The following PPFIA2 variants were observed in gnomAD, a reference collection of about 807,000 sequenced individuals.
PPFIA2 encodes PPFI scaffold protein A2.
Under a neutral mutation model 175.5 loss-of-function variants are expected in PPFIA2, and 46 were observed. That is an observed-to-expected ratio of 0.26 (90% confidence interval 0.21 to 0.34). The LOEUF is 0.34. Ranked by LOEUF, PPFIA2 falls within the 10% of genes least tolerant of loss-of-function variation. The pLI is 1.00. For synonymous variants in PPFIA2, 568 were observed against 511.4 expected (o/e 1.11, Z -1.49); for missense variants, 1,179 against 1,506.1 (o/e 0.78, Z 3.60).
At chr12:81,562,846 CAAAAAA>C (rs11475809) in intron 4 of PPFIA2, among the ~76,000 whole-genome samples, 6 of 29,584 alleles carry the variant, frequency 2.0e-4, no homozygotes, top group South Asian at 2.0e-3. Flanking sequence ...GACTCTGTCT[CAAAAAA>C]AAAAAAAAAA....
chr12:81,390,203 G>A (rs902281182), intron 8 of PPFIA2, among the ~76,000 whole-genome samples: 3 of 151,968 alleles, frequency 2.0e-5, no homozygotes, highest in Non-Finnish European at 4.4e-5. Flanking sequence ...GGACATTAAC[G>A]TTGTGTCCAC....
chr12:81,263,879 A>G (rs1282727446), intron 30 of PPFIA2, among the ~76,000 whole-genome samples: 3 of 152,122 alleles, frequency 2.0e-5, no homozygotes, highest in Admixed American at 6.5e-5. Context: ...CTAATATGAG[A>G]CACTGTAGCC....
At chr12:81,434,016 T>A (rs59852411) in intron 7 of PPFIA2, among the ~76,000 whole-genome samples, 9,527 of 152,040 alleles carry the variant, frequency 0.063, 390 homozygotes, top group African/African-American at 0.12. Flanking sequence ...TGATTTGGGG[T>A]TATGGAGGTA....
intron 7 of PPFIA2, among the ~76,000 whole-genome samples, chr12:81,420,145 C>T (rs2045989938): frequency 6.6e-6 from 1 of 152,116 alleles, no homozygotes; most frequent in South Asian, 2.1e-4. Flanking sequence ...AGCTACCATA[C>T]CCACCCAGTT....
At chr12:81,657,877 AC>A (rs921834136) in intron 4 of PPFIA2, among the ~76,000 whole-genome samples, 1 of 151,796 alleles carries the variant, frequency 6.6e-6, no homozygotes, top group African/African-American at 2.4e-5. Flanking sequence ...AATAAAAATA[AC>A]CCCCCCAACC....
chr12:81,538,256 A>T (rs2065689375), intron 4 of PPFIA2, among the ~76,000 whole-genome samples: 1 of 151,934 alleles, frequency 6.6e-6, no homozygotes, highest in African/African-American at 2.4e-5. Flanking sequence ...GATAATAAAG[A>T]ACAAATGTTG....
At chr12:81,652,921 A>G (rs569595204) in intron 4 of PPFIA2, among the ~76,000 whole-genome samples, 4 of 152,168 alleles carry the variant, frequency 2.6e-5, no homozygotes, top group African/African-American at 9.6e-5. Flanking sequence ...TGTCATGAGC[A>G]TCTATCCAGT....
At chr12:81,492,989 T>C (rs982901951) in intron 4 of PPFIA2, among the ~76,000 whole-genome samples, 4 of 151,992 alleles carry the variant, frequency 2.6e-5, no homozygotes, top group Non-Finnish European at 5.9e-5. Flanking sequence ...GGTTGAACAA[T>C]TATATGTGGG....
At chr12:81,451,437 G>A (rs1208702920) in intron 5 of PPFIA2, among the ~76,000 whole-genome samples, 1 of 152,122 alleles carries the variant, frequency 6.6e-6, no homozygotes, top group East Asian at 1.9e-4. Context: ...CTGGGAAGGG[G>A]TAGTGGCAGA....
intron 3 of PPFIA2, among the ~76,000 whole-genome samples, chr12:81,725,138 T>A (rs1440457629): frequency 6.6e-6 from 1 of 151,014 alleles, no homozygotes; most frequent in Non-Finnish European, 1.5e-5. Context: ...TAATTCAGCT[T>A]TTTTTCAGTT....
chr12:81,539,849 C>T (rs1302088840), intron 4 of PPFIA2, among the ~76,000 whole-genome samples: 1 of 151,956 alleles, frequency 6.6e-6, no homozygotes, highest in Non-Finnish European at 1.5e-5. Flanking sequence ...TTCTTATTTT[C>T]TCATTTTCCA....
intron 8 of PPFIA2, among the ~76,000 whole-genome samples, chr12:81,385,469 C>G (rs577921598): frequency 1.3e-5 from 2 of 152,068 alleles, no homozygotes; most frequent in Non-Finnish European, 2.9e-5. Flanking sequence ...TGTCTATCAA[C>G]GGATGAATGG....
At chr12:81,668,045 T>G (rs540913558) in intron 4 of PPFIA2, among the ~76,000 whole-genome samples, 14 of 152,210 alleles carry the variant, frequency 9.2e-5, no homozygotes, top group African/African-American at 3.4e-4. Context: ...AGAGGATTCT[T>G]TGGAGGTCCT....
At chr12:81,436,279 T>TAAAAAAAAA (rs763809833) in intron 7 of PPFIA2, among the ~76,000 whole-genome samples, 1 of 44,810 alleles carries the variant, frequency 2.2e-5, no homozygotes, top group Non-Finnish European at 4.3e-5. Flanking sequence ...AGACCCTGTC[T>TAAAAAAAAA]AAAAAAAAAA....
intron 4 of PPFIA2, among the ~76,000 whole-genome samples, chr12:81,460,736 G>C (rs11114863): frequency 2.6e-5 from 4 of 152,044 alleles, no homozygotes; most frequent in Non-Finnish European, 5.9e-5. Context: ...ACAGCAAATA[G>C]GGTTAACATT....
intron 12 of PPFIA2, 51 bp downstream of exon 12, chr12:81,369,060 T>C (rs1035509766): frequency 7.0e-7 from 1 of 1,438,778 alleles, no homozygotes; most frequent in Non-Finnish European, 9.6e-7. Context: ...ATATACAGAA[T>C]ACGAATTCAT....
In PPFIA2 at chr12:81,384,012, G is replaced by T. The variant is rs750708695; in HGVS notation, c.984+11C>A. On this transcript the variant is annotated intron_variant, in intron 9 of 32. Transcript: ENST00000549396. ...AGAAATCAAAGACTGAAAGTGGCAT[G>T]AATCACTTACCTCCCTAATGTCCCT... 2.5e-6 allele frequency: 4 copies of T among 1,588,016 alleles called. No homozygotes were observed. The East Asian group carries it at 9.0e-5, about 36-fold the overall frequency.
In PPFIA2 at chr12:81,259,677, A is replaced by C; in HGVS notation, c.*34-17T>G. The C allele has an allele frequency of 5.2e-6, 8 of 1,533,374 alleles. No individual in the cohort carries two copies. The highest frequency in any genetic ancestry group is 5.2e-6 in the Non-Finnish European group (6 of 1,144,710). 95.0% of individuals were successfully genotyped at this position (1,533,374 alleles called of 1,614,324 possible). A position where few individuals can be genotyped will look rare whatever the true frequency, so the allele number is the denominator to read the frequency against. Reference sequence around the variant, plus strand: ...AGACGCCATCTAAAATATACAATGGATAGCATTAGTTCACTGAAAAGTCCC... The same window carrying C: ...AGACGCCATCTAAAATATACAATGGCTAGCATTAGTTCACTGAAAAGTCCC... On this transcript the variant is annotated splice_polypyrimidine_tract_variant and intron_variant, in intron 32 of 32. Transcript: ENST00000549396.
intron 8 of PPFIA2, among the ~76,000 whole-genome samples, chr12:81,400,092 G>A (rs1387360700): frequency 5.3e-5 from 8 of 152,116 alleles, no homozygotes; most frequent in Admixed American, 5.2e-4. Context: ...TGGCATTTGT[G>A]ATAAATGATG....
Sources: allele counts gnomAD v4.1 joint callset (sites outside exome capture counted in the v4.1 genomes callset), GRCh38; gene constraint gnomAD v4.1.1; transcripts MANE v1.5; gene names NCBI Gene and HGNC (gene_info 2026-07-23, HGNC 2026-07-21).